Variants in PCDHGA1 observed in about 807,000 individuals in gnomAD.
The protein encoded by PCDHGA1 is protocadherin gamma-A1.
A neutral mutation model predicts 58.0 loss-of-function variants in PCDHGA1; 32 were observed. The ratio of observed to expected loss-of-function variants is 0.55; its 90% CI spans 0.42 to 0.74. PCDHGA1 has a LOEUF of 0.74. PCDHGA1 is among the 30% of genes least tolerant of loss of function. The pLI is 0.00. For missense variants in PCDHGA1, 1,205 were observed against 1,182.3 expected (o/e 1.02, Z -0.28); for synonymous variants, 498 against 501.1 (o/e 0.99, Z 0.08).
chr5:141,361,816 C>A, intron 1 of PCDHGA1: 2 of 1,613,084 alleles, frequency 1.2e-6, no homozygotes, highest in East Asian at 2.2e-5. Flanking sequence ...CAATGCGCCA[C>A]GGGTGCTGTA....
At chr5:141,353,805 C>T (rs1034354632) in intron 1 of PCDHGA1, among the ~76,000 whole-genome samples, 3 of 152,170 alleles carry the variant, frequency 2.0e-5, no homozygotes, top group Non-Finnish European at 2.9e-5. Context: ...TCTTATTTCA[C>T]CTCTCAATCA....
rs200598354 is a variant in PCDHGA1 at position 141,365,666 on chromosome 5, A to G, written c.2421+32561A>G. ...CATCCCCTTGAAAGTAGCAGACGTT[A>G]ATGACAACCCACCCAATTTCCCTCA... is the stretch of plus-strand genomic sequence containing the variant. On this transcript the variant is annotated intron_variant, in intron 1 of 3. Coordinates refer to ENST00000517417, the MANE Select transcript of PCDHGA1 (RefSeq NM_018912.3). The G allele has an allele frequency of 2.4e-4, 388 of 1,613,398 alleles. No homozygotes were observed. Among genetic ancestry groups the G allele is most frequent in the Admixed American group, 8.2e-4 (49 of 60,008 alleles).
chr5:141,460,505 A>T (rs1430823912), intron 1 of PCDHGA1, among the ~76,000 whole-genome samples: 1 of 152,150 alleles, frequency 6.6e-6, no homozygotes, highest in Non-Finnish European at 1.5e-5. Context: ...ATATGCTGAG[A>T]AGGCTATCTT....
At chr5:141,427,599 C>G (rs1233253295) in intron 1 of PCDHGA1, 1 of 682,980 alleles carries the variant, frequency 1.5e-6, no homozygotes, top group African/African-American at 1.8e-5. Flanking sequence ...CCTCACCCTA[C>G]GCATTGGTGA....
At position 141,485,727 on chromosome 5, in the gene PCDHGA1, G is replaced by T. The variant is rs773176318; in HGVS notation, c.2422-9080G>T. The T allele has an allele frequency of 3.1e-6, 5 of 1,614,196 alleles. No homozygotes were observed. In the Admixed American group the frequency reaches 5.0e-5, roughly 16 times the overall value. Reference sequence around the variant, plus strand: ...CACTTTGCACTGGATGTGAAGAAGCGCAGCGACGGCAGCCTGGTCCCAGAG... The same window carrying T: ...CACTTTGCACTGGATGTGAAGAAGCTCAGCGACGGCAGCCTGGTCCCAGAG... On this transcript the variant is annotated intron_variant, in intron 1 of 3. Transcript: ENST00000517417. The surrounding 1 kb of genome is among the most constrained non-coding windows in gnomAD (Gnocchi z 5.7).
rs766227340 is a variant in PCDHGA1, at chr5:141,476,791, C to T, written c.2422-18016C>T. On this transcript the variant is annotated intron_variant, in intron 1 of 3. Transcript: ENST00000517417. The surrounding 1 kb of genome is among the most constrained non-coding windows in gnomAD (Gnocchi z 7.6). ...TGGACGGAGGGACCCCAGCTCTCTCCGCCAGCCTGCCTATTCACATCAAGG... is the reference window on the plus strand; with the variant it reads ...TGGACGGAGGGACCCCAGCTCTCTCTGCCAGCCTGCCTATTCACATCAAGG... 5.6e-6 allele frequency: 9 copies of T among 1,613,394 alleles called. No homozygotes were observed. Among genetic ancestry groups the T allele is most frequent in the Middle Eastern group, 1.6e-4 (1 of 6,084 alleles).
At chr5:141,428,493 T>G in intron 1 of PCDHGA1, 1 of 307,146 alleles carries the variant, frequency 3.3e-6, no homozygotes, top group Non-Finnish European at 6.3e-6. Context: ...GCAATCTGTA[T>G]GTTCCCTCGG....
At chr5:141,410,348 C>T (rs761119683) in intron 1 of PCDHGA1, 3 of 1,614,034 alleles carry the variant, frequency 1.9e-6, no homozygotes, top group East Asian at 2.2e-5. Context: ...CTTGCGCCTG[C>T]GACGCTCTCT....
intron 1 of PCDHGA1, chr5:141,423,010 G>C: frequency 6.2e-7 from 1 of 1,614,226 alleles, no homozygotes; most frequent in South Asian, 1.1e-5. Context: ...GGTGGTTGCG[G>C]TGGACAAAGA....
In PCDHGA1 at chr5:141,476,702, C is replaced by A. The variant is rs751321222; in HGVS notation, c.2422-18105C>A. 1.4e-5 allele frequency: 23 copies of A among 1,614,104 alleles called. No individual in the cohort carries two copies. Among genetic ancestry groups the A allele is most frequent in the Non-Finnish European group, 1.7e-5 (20 of 1,180,050 alleles). ...GGAGGACAGCACCAAGTACGCGGAG[C>A]TGGTGTTGGAGCGCGCCCTGGACCG... is the stretch of plus-strand genomic sequence containing the variant. On this transcript the variant is annotated intron_variant, in intron 1 of 3. Coordinates refer to ENST00000517417, the MANE Select transcript of PCDHGA1 (RefSeq NM_018912.3). The surrounding 1 kb of genome is among the most constrained non-coding windows in gnomAD (Gnocchi z 7.6).
At position 141,477,004 on chromosome 5, in the gene PCDHGA1, C is replaced by T. The variant is rs1390668803; in HGVS notation, c.2422-17803C>T. On this transcript the variant is annotated intron_variant, in intron 1 of 3. Coordinates refer to ENST00000517417, the MANE Select transcript of PCDHGA1 (RefSeq NM_018912.3). The surrounding 1 kb of genome is among the most constrained non-coding windows in gnomAD (Gnocchi z 4.9). ...GCGCCGGCGTGCGGCAACTATTCGC[C>T]TTAGACCTTGTAACCGGGATGCTGA... is the stretch of plus-strand genomic sequence containing the variant. 3 of 1,614,236 alleles carry T rather than the reference C, an allele frequency of 1.9e-6. No homozygotes were observed. The highest frequency in any genetic ancestry group is 2.5e-6 in the Non-Finnish European group (3 of 1,180,042).
intron 1 of PCDHGA1, chr5:141,413,462 G>C (rs750915907): frequency 1.9e-6 from 3 of 1,614,120 alleles, no homozygotes; most frequent in Non-Finnish European, 2.5e-6. Flanking sequence ...AGGATAGACC[G>C]GGAGGAGCTC....
At chr5:141,499,289 C>T in intron 2 of PCDHGA1, among the ~76,000 whole-genome samples, 1 of 152,212 alleles carries the variant, frequency 6.6e-6, no homozygotes, top group African/African-American at 2.4e-5. Context: ...GATGGCTCCA[C>T]ACTACCATCC....
chr5:141,409,360 A>G (rs746614262), intron 1 of PCDHGA1: 2 of 1,614,014 alleles, frequency 1.2e-6, no homozygotes, highest in Admixed American at 3.3e-5. Flanking sequence ...GGTGTAATAT[A>G]GAAACAGACA....
intron 1 of PCDHGA1, among the ~76,000 whole-genome samples, chr5:141,348,444 A>G (rs1758120382): frequency 6.6e-6 from 1 of 152,166 alleles, no homozygotes; most frequent in Admixed American, 6.5e-5. Context: ...CATTTTTAGA[A>G]AAAAAAATGT....
intron 1 of PCDHGA1, chr5:141,339,501 A>C: frequency 6.2e-7 from 1 of 1,614,018 alleles, no homozygotes; most frequent in Non-Finnish European, 8.5e-7. Context: ...CCAAATGACC[A>C]CTTCTCCCTG....
At chr5:141,366,052 C>G in intron 1 of PCDHGA1, 4 of 1,614,248 alleles carry the variant, frequency 2.5e-6, no homozygotes, top group Non-Finnish European at 3.4e-6. Flanking sequence ...GTTCCACGGG[C>G]GTGGAGCTGG....
At position 141,432,643 on chromosome 5, in the gene PCDHGA1, G is replaced by A. The variant is rs2097523971; in HGVS notation, c.2422-62164G>A. 15 of 1,613,754 alleles carry A rather than the reference G, an allele frequency of 9.3e-6. No homozygotes were observed. Among genetic ancestry groups the A allele is most frequent in the East Asian group, 4.5e-5 (2 of 44,860 alleles). ...GTCTGCACACGGGCGAGGTGCGCAC[G>A]GCGCGAGCCCTGCTGGACAGAGACG... On this transcript the variant is annotated intron_variant, in intron 1 of 3. Coordinates refer to ENST00000517417, the MANE Select transcript of PCDHGA1 (RefSeq NM_018912.3). This position sits in a 1 kb window ranked among gnomAD's most constrained non-coding sequence, Gnocchi z 6.0.
chr5:141,478,109 T>C, intron 1 of PCDHGA1: 1 of 1,614,086 alleles, frequency 6.2e-7, no homozygotes, highest in Non-Finnish European at 8.5e-7. Context: ...CCTCACTGTG[T>C]CAGTAACCGA....
Sources: gnomAD v4.1 joint callset for allele counts (sites outside exome capture counted in the v4.1 genomes callset) on GRCh38, gnomAD v4.1.1 for gene constraint, Gnocchi (gnomAD v3.1) non-coding constraint, MANE v1.5 for transcripts, NCBI Gene and HGNC (gene_info 2026-07-23, HGNC 2026-07-21) for gene names.